SLC8A1: variants seen among roughly 807,000 people sequenced by gnomAD.
SLC8A1 encodes sodium/calcium exchanger 1.
In SLC8A1, 18 loss-of-function variants were observed where a neutral mutation model predicts 68.3. That is an observed-to-expected ratio of 0.26 (90% CI 0.18 to 0.39). SLC8A1 has a LOEUF of 0.39. Among genes scored for constraint, SLC8A1 ranks in the 10% least tolerant of loss-of-function variants. The pLI is 1.00. For missense variants in SLC8A1, 985 were observed against 1,156.7 expected (o/e 0.85, Z 2.15); for synonymous variants, 475 against 415.5 (o/e 1.14, Z -1.74).
chr2:40,381,261 C>T (rs747314982), intron 2 of SLC8A1, among the ~76,000 whole-genome samples: 4 of 151,974 alleles, frequency 2.6e-5, no homozygotes, highest in Non-Finnish European at 5.9e-5. Flanking sequence ...GGGAGCCTTT[C>T]CCAATCCACT....
At position 40,318,093 on chromosome 2, in the gene SLC8A1, T is replaced by G. The variant is rs1470245614; in HGVS notation, c.1808+110380A>C. Among the ~76,000 whole-genome samples the G allele has an allele frequency of 2.6e-5, 4 of 152,096 alleles. No homozygotes were observed. In the East Asian group the frequency reaches 7.7e-4, roughly 29 times the overall value. ...AACAAGTACTATCACATGGAACACT[T>G]AATTATTTTTCTTTCTCTCTTTACA... On this transcript the variant is annotated intron_variant, in intron 2 of 7. Transcript: ENST00000406785.
chr2:40,437,503 T>C lies in SLC8A1; in HGVS notation c.-24-7199A>G, dbSNP rs567186558. Among the ~76,000 whole-genome samples, 187 of 152,250 alleles carry C rather than the reference T, an allele frequency of 1.2e-3. 1 individual carries two copies. Among genetic ancestry groups the C allele is most frequent in the African/African-American group, 4.2e-3 (174 of 41,568 alleles). Reference sequence around the variant, plus strand: ...ACTCATGTAGTAAACTCAAGGTTTTTCCATTTGGTCAGGAGAAAAGCAAAT... The same window carrying C: ...ACTCATGTAGTAAACTCAAGGTTTTCCCATTTGGTCAGGAGAAAAGCAAAT... On this transcript the variant is annotated intron_variant, in intron 1 of 7. Transcript: ENST00000406785.
chr2:40,317,120 T>C (rs185124928), intron 2 of SLC8A1, among the ~76,000 whole-genome samples: 2 of 152,152 alleles, frequency 1.3e-5, no homozygotes, highest in East Asian at 3.9e-4. Flanking sequence ...TTGCATAATA[T>C]GTTACTGAAT....
In SLC8A1 at chr2:40,272,041, G is replaced by A. The variant is rs2066103601; in HGVS notation, c.1809-94186C>T. On this transcript the variant is annotated intron_variant, in intron 2 of 7. Transcript: ENST00000406785. Reference sequence around the variant, plus strand: ...ACCACCATGCCTGGCTATTTTTTTGGTATTATTTATAGAGATGGGGTCTCA... The same window carrying A: ...ACCACCATGCCTGGCTATTTTTTTGATATTATTTATAGAGATGGGGTCTCA... 2.0e-5 allele frequency among the ~76,000 whole-genome samples: 3 copies of A among 151,482 alleles called. No individual in the cohort carries two copies. The South Asian group carries it at 6.3e-4, about 32-fold the overall frequency.
At chr2:40,429,660 T>C (rs1329762481) in exon 2 of SLC8A1, 12 of 1,613,694 alleles carry the variant, frequency 7.4e-6, no homozygotes, top group Admixed American at 1.7e-5. Flanking sequence ...TCCAGGCTGC[T>C]GTCACAAAGA....
In SLC8A1 at chr2:40,119,472, C is replaced by T. The variant is rs184232713; in HGVS notation, c.2438-3843G>A. Reference sequence around the variant, plus strand: ...TTTATTGCCGCTTTGCTGCTCAGCACATAGGGCAATACATCACATACCATA... The same window carrying T: ...TTTATTGCCGCTTTGCTGCTCAGCATATAGGGCAATACATCACATACCATA... On this transcript the variant is annotated intron_variant, in intron 7 of 7. Transcript: ENST00000406785. 3.8e-4 allele frequency among the ~76,000 whole-genome samples: 58 copies of T among 152,318 alleles called. 1 individual carries two copies. The highest frequency in any genetic ancestry group is 3.3e-3 in the Admixed American group (50 of 15,306).
At chr2:40,246,870 G>T (rs1047494464) in intron 2 of SLC8A1, among the ~76,000 whole-genome samples, 5 of 152,086 alleles carry the variant, frequency 3.3e-5, no homozygotes. Context: ...ATGGTTAGAT[G>T]TGACTAGGGC....
chr2:40,329,894 T>C (rs2076239850), intron 2 of SLC8A1, among the ~76,000 whole-genome samples: 1 of 152,060 alleles, frequency 6.6e-6, no homozygotes, highest in Non-Finnish European at 1.5e-5. Context: ...AGGAAGGGAA[T>C]TTATGACCAA....
At chr2:40,261,537 T>G (rs932813315) in intron 2 of SLC8A1, among the ~76,000 whole-genome samples, 2 of 152,192 alleles carry the variant, frequency 1.3e-5, no homozygotes, top group Non-Finnish European at 2.9e-5. Context: ...CTTGGCTGAT[T>G]TGAGTTCCTT....
At chr2:40,395,485 C>A (rs1686625431) in intron 2 of SLC8A1, among the ~76,000 whole-genome samples, 1 of 152,068 alleles carries the variant, frequency 6.6e-6, no homozygotes, top group Admixed American at 6.6e-5. Context: ...CAAGTCAAAT[C>A]CGAAGGCTAC....
chr2:40,439,073 C>T (rs1486436765), intron 1 of SLC8A1, among the ~76,000 whole-genome samples: 1 of 151,918 alleles, frequency 6.6e-6, no homozygotes, highest in Admixed American at 6.6e-5. Flanking sequence ...ATATGAAGCC[C>T]CGTAGTGAAT....
At chr2:40,337,730 T>C (rs1447583932) in intron 2 of SLC8A1, among the ~76,000 whole-genome samples, 1 of 152,160 alleles carries the variant, frequency 6.6e-6, no homozygotes, top group African/African-American at 2.4e-5. Flanking sequence ...AAATGCAAAA[T>C]AATTCCTTCT....
intron 2 of SLC8A1, among the ~76,000 whole-genome samples, chr2:40,282,785 C>A (rs1305807501): frequency 6.6e-6 from 1 of 152,054 alleles, no homozygotes; most frequent in Non-Finnish European, 1.5e-5. Context: ...TTAAAAGTAT[C>A]CAAATGCTGG....
intron 1 of SLC8A1, among the ~76,000 whole-genome samples, chr2:40,458,336 G>T (rs1703145573): frequency 6.6e-6 from 1 of 152,098 alleles, no homozygotes; most frequent in Non-Finnish European, 1.5e-5. Flanking sequence ...ATATGATCTA[G>T]AAAGTCCAGT....
At chr2:40,281,586 C>G (rs2067529393) in intron 2 of SLC8A1, among the ~76,000 whole-genome samples, 1 of 152,192 alleles carries the variant, frequency 6.6e-6, no homozygotes, top group African/African-American at 2.4e-5. Flanking sequence ...TTCCCCAGCA[C>G]TGCCTGGGGC....
chr2:40,127,980 T>C lies in SLC8A1; in HGVS notation c.2437+11421A>G, dbSNP rs570193431. Among the ~76,000 whole-genome samples, 23 of 152,276 alleles carry C rather than the reference T, an allele frequency of 1.5e-4. No homozygotes were observed. The South Asian group carries it at 3.9e-3, about 26-fold the overall frequency. On this transcript the variant is annotated intron_variant, in intron 7 of 7. Transcript: ENST00000406785. Reference sequence around the variant, plus strand: ...TGAACAATGCAAAGCATCTGATGGATTGAAATCCTTTTCTGGAATGAATCA... The same window carrying C: ...TGAACAATGCAAAGCATCTGATGGACTGAAATCCTTTTCTGGAATGAATCA...
chr2:40,123,917 T>A (rs2148134118), intron 7 of SLC8A1, among the ~76,000 whole-genome samples: 1 of 152,322 alleles, frequency 6.6e-6, no homozygotes, highest in South Asian at 2.1e-4. Flanking sequence ...CACAGATCGG[T>A]GTCCTCTGAC....
intron 2 of SLC8A1, among the ~76,000 whole-genome samples, chr2:40,354,042 T>C (rs1302220786): frequency 1.3e-5 from 2 of 152,230 alleles, no homozygotes; most frequent in Non-Finnish European, 2.9e-5. Context: ...CAGATGTTTT[T>C]ATAGGAAAGA....
At chr2:40,498,453 A>T (rs530738480) in intron 1 of SLC8A1, among the ~76,000 whole-genome samples, 2 of 152,228 alleles carry the variant, frequency 1.3e-5, no homozygotes, top group South Asian at 4.1e-4. Flanking sequence ...GTATAATTTC[A>T]ATGTTCAAAT....
Sources: allele counts gnomAD v4.1 joint callset (sites outside exome capture counted in the v4.1 genomes callset), GRCh38; gene constraint gnomAD v4.1.1; transcripts MANE v1.5; gene names NCBI Gene and HGNC (gene_info 2026-07-23, HGNC 2026-07-21).